Variants in RELN observed in about 807,000 individuals in gnomAD.
RELN encodes reelin.
Under a neutral mutation model 427.6 loss-of-function variants are expected in RELN, and 108 were observed. The observed-to-expected ratio is 0.25, with a 90% confidence interval of 0.22 to 0.30. The LOEUF (loss-of-function observed/expected upper bound fraction) is 0.30. Among genes scored for constraint, RELN ranks in the 10% least tolerant of loss-of-function variants. RELN has a pLI of 1.00. For synonymous variants in RELN, 1,524 were observed against 1,513.4 expected, an observed-to-expected ratio of 1.01 and a Z score of -0.16; for missense variants, 3,715 against 4,302.8, an observed-to-expected ratio of 0.86 and a Z score of 3.82.
In RELN at chr7:103,831,988, T is replaced by C. The variant is rs552542361; in HGVS notation, c.473+1549A>G. On this transcript the variant is annotated intron_variant, in intron 3 of 64. Coordinates refer to ENST00000428762, the MANE Select transcript of RELN (RefSeq NM_005045.4). ...TACTGGAAGGAAAATGTTCACTCAC[T>C]TATAAAAAACTTTCTGAGGGAGAAA... Among the ~76,000 whole-genome samples, 15 of 152,274 alleles carry C rather than the reference T, an allele frequency of 9.9e-5. No individual in the cohort carries two copies. The East Asian group carries it at 2.5e-3, about 25-fold the overall frequency.
chr7:103,563,668 TTCACTCACCAC>T lies in RELN; in HGVS notation c.5210+1599_5210+1609del, dbSNP rs1409367516. The stretch of plus-strand genomic sequence containing the variant: ...TACAGTAATATTCTAGGCCTTCACA[TTCACTCACCAC>T]TCACTCACCCACTCACCCAGAGCAA... On this transcript the variant is annotated intron_variant, in intron 34 of 64. Transcript: ENST00000428762. The surrounding 1 kb of genome is among the most constrained non-coding windows in gnomAD (Gnocchi z 4.1). Among the ~76,000 whole-genome samples the T allele has an allele frequency of 9.8e-5, 15 of 152,308 alleles. No individual in the cohort carries two copies. The highest frequency in any genetic ancestry group is 3.6e-4 in the African/African-American group (15 of 41,578).
At chr7:103,847,190 C>A (rs943593571) in intron 2 of RELN, among the ~76,000 whole-genome samples, 2 of 152,130 alleles carry the variant, frequency 1.3e-5, no homozygotes, top group South Asian at 2.1e-4. Flanking sequence ...CAATGATAGA[C>A]TGGATAAAGA....
At chr7:103,752,314 T>C (rs651097) in intron 5 of RELN, among the ~76,000 whole-genome samples, 84,290 of 152,012 alleles carry the variant, frequency 0.55, 23,726 homozygotes, top group African/African-American at 0.64. Flanking sequence ...AACCACTATA[T>C]ACCCTGCCTC....
At chr7:103,524,067 G>T (rs1232639353) in intron 46 of RELN, among the ~76,000 whole-genome samples, 1 of 152,168 alleles carries the variant, frequency 6.6e-6, no homozygotes, top group East Asian at 1.9e-4. Flanking sequence ...ATTTGGCCAA[G>T]TGATCTTCCT....
chr7:103,802,560 C>T (rs972081103), intron 3 of RELN, among the ~76,000 whole-genome samples: 1 of 152,078 alleles, frequency 6.6e-6, no homozygotes, highest in African/African-American at 2.4e-5. Flanking sequence ...GTAGAAGTCA[C>T]ACAAATTCAA....
In RELN at chr7:103,864,022, C is replaced by T. The variant is rs73419169; in HGVS notation, c.338-30350G>A. Among the ~76,000 whole-genome samples, 835 of 152,188 alleles carry T rather than the reference C, an allele frequency of 5.5e-3. 5 individuals carry two copies. The highest frequency in any genetic ancestry group is 0.019 in the African/African-American group (784 of 41,532). ...TCACACTACTGGAGCCATGTGAGAA[C>T]TCAGACAAACTGAAGGAACAGCAGA... On this transcript the variant is annotated intron_variant, in intron 2 of 64. Transcript: ENST00000428762.
intron 2 of RELN, among the ~76,000 whole-genome samples, chr7:103,851,753 G>C (rs1372578438): frequency 6.6e-6 from 1 of 152,130 alleles, no homozygotes; most frequent in Non-Finnish European, 1.5e-5. Context: ...ATACCTCTTG[G>C]GGAAGGCATT....
chr7:103,724,179 T>C (rs974214035), intron 7 of RELN, among the ~76,000 whole-genome samples: 6 of 152,098 alleles, frequency 3.9e-5, no homozygotes, highest in Non-Finnish European at 7.4e-5. Flanking sequence ...CTGCTTTTTT[T>C]TTTCGTTGTT....
Position 103,937,272 on chromosome 7 carries a change from T to A in RELN, c.227-20087A>T, listed in dbSNP as rs537400498. 1.6e-4 allele frequency among the ~76,000 whole-genome samples: 24 copies of A among 152,352 alleles called. 1 individual carries two copies. Among genetic ancestry groups the A allele is most frequent in the African/African-American group, 4.8e-4 (20 of 41,590 alleles). ...TAACTTTACTAGAAAGATCAATTTATCTTTAAAATAAAAAGATTAGAGACT... is the reference window on the plus strand; with the variant it reads ...TAACTTTACTAGAAAGATCAATTTAACTTTAAAATAAAAAGATTAGAGACT... On this transcript the variant is annotated intron_variant, in intron 1 of 64. Coordinates refer to ENST00000428762, the MANE Select transcript of RELN (RefSeq NM_005045.4).
In RELN at chr7:103,833,613, C is replaced by T. The variant is rs200611900; in HGVS notation, c.397G>A (p.Val133Met). Residue 133 changes from valine to methionine, a missense_variant, in exon 3 of 65, where the codon GTG (valine) becomes ATG (methionine). Val to Met is a conservative substitution (Grantham distance 21). This residue lies in a region of RELN where 2,208 missense variants were observed against 2,361.7 expected (regional missense o/e 0.93). Transcript: ENST00000428762. ...QFMCSVVASH[V>M]SHLPTTNLSF... ...AGGTTGGTTGTGGGCAGGTGACTCA[C>T]GTGAGAGGCTACCACACTGCACATA... 20 of 1,613,646 alleles carry T rather than the reference C, an allele frequency of 1.2e-5. No individual in the cohort carries two copies. The highest frequency in any genetic ancestry group is 4.5e-5 in the East Asian group (2 of 44,854).
At position 103,640,593 on chromosome 7, in the gene RELN, T is replaced by C. The variant is rs746420791; in HGVS notation, c.2019A>G (p.Ser673=). ...CTCTGCCAGAACAGAATTTGAGACA[T>C]GACGGGCCAATATAAACTGTGGGAG... The part of the protein sequence containing the change: ...WAIDNVYIGP[S]CLKFCSGRGQ... Residue 673 remains serine, a synonymous_variant, in exon 17 of 65, where the codon TCA becomes TCG. Transcript: ENST00000428762. This position sits in a 1 kb window ranked among gnomAD's most constrained non-coding sequence, Gnocchi z 4.1. 1.9e-6 allele frequency: 3 copies of C among 1,613,792 alleles called. No individual in the cohort carries two copies. In the Admixed American group the frequency reaches 5.0e-5, roughly 27 times the overall value.
At chr7:103,495,605 TAA>T (rs1362331300) in intron 57 of RELN, 116 bp downstream of exon 57, 9 of 976,942 alleles carry the variant, frequency 9.2e-6, no homozygotes, top group African/African-American at 4.9e-5. Flanking sequence ...ATTCATAAGA[TAA>T]AGTCTTTTTT....
At chr7:103,661,782 T>A (rs1183757995) in intron 11 of RELN, among the ~76,000 whole-genome samples, 1 of 152,212 alleles carries the variant, frequency 6.6e-6, no homozygotes, top group Non-Finnish European at 1.5e-5. Context: ...TTGTATACGG[T>A]GTGTCTACTT....
chr7:103,711,547 C>A (rs911903381), intron 8 of RELN, among the ~76,000 whole-genome samples: 11 of 152,078 alleles, frequency 7.2e-5, no homozygotes, highest in African/African-American at 2.7e-4. Flanking sequence ...AAATTCTTTT[C>A]TTCTCTTAAG....
Position 103,563,647 on chromosome 7 carries a change from G to A in RELN, c.5210+1631C>T, listed in dbSNP as rs565682644. On this transcript the variant is annotated intron_variant, in intron 34 of 64. Transcript: ENST00000428762. This position sits in a 1 kb window ranked among gnomAD's most constrained non-coding sequence, Gnocchi z 4.1. ...TTTATGAAATCTATAGTAGTGTACAGTAATATTCTAGGCCTTCACATTCAC... is the reference window on the plus strand; with the variant it reads ...TTTATGAAATCTATAGTAGTGTACAATAATATTCTAGGCCTTCACATTCAC... Among the ~76,000 whole-genome samples, 5 of 152,260 alleles carry A rather than the reference G, an allele frequency of 3.3e-5. No individual in the cohort carries two copies. Among genetic ancestry groups the A allele is most frequent in the Admixed American group, 6.5e-5 (1 of 15,280 alleles).
rs118021038 is a variant in RELN, at chr7:103,622,585, T to C, written c.2702+7355A>G. On this transcript the variant is annotated intron_variant, in intron 20 of 64. Transcript: ENST00000428762. ...TATTGTCCTATGAAGCTATATGATC[T>C]AGTTTCTTGGCTGCCTCAGGGTATC... Among the ~76,000 whole-genome samples the C allele has an allele frequency of 7.5e-3, 1,140 of 152,322 alleles. 9 individuals carry two copies. Among genetic ancestry groups the C allele is most frequent in the Non-Finnish European group, 0.013 (871 of 68,018 alleles).
At chr7:103,843,977 C>A (rs750040282) in intron 2 of RELN, among the ~76,000 whole-genome samples, 4 of 152,100 alleles carry the variant, frequency 2.6e-5, no homozygotes, top group Non-Finnish European at 4.4e-5. Flanking sequence ...CCAGCCTCTC[C>A]TCAAACTAAC....
chr7:103,972,871 C>T (rs888481025), intron 1 of RELN, among the ~76,000 whole-genome samples: 7 of 147,344 alleles, frequency 4.8e-5, no homozygotes, highest in Middle Eastern at 7.0e-3. Flanking sequence ...TCACACACTG[C>T]TAATGTATGT....
Position 103,703,295 on chromosome 7 carries a change from G to A in RELN, c.806-2289C>T, listed in dbSNP as rs188629671. On this transcript the variant is annotated intron_variant, in intron 8 of 64. Transcript: ENST00000428762. ...CTACTCCCGCCCGGTGTAGCTGTAT[G>A]TATAACTAGGTAAGCTTTTTCTTCA... Among the ~76,000 whole-genome samples, 5 of 152,282 alleles carry A rather than the reference G, an allele frequency of 3.3e-5. No individual in the cohort carries two copies. In the East Asian group the frequency reaches 7.7e-4, roughly 24 times the overall value.
Sources: gnomAD v4.1 joint callset for allele counts (sites outside exome capture counted in the v4.1 genomes callset) on GRCh38, gnomAD v4.1.1 for gene constraint, gnomAD v4.1.1 regional missense constraint, Gnocchi (gnomAD v3.1) non-coding constraint, MANE v1.5 for transcripts, NCBI Gene and HGNC (gene_info 2026-07-23, HGNC 2026-07-21) for gene names.